The following ISOC1 variants were observed in gnomAD, a reference collection of about 807,000 sequenced individuals.
ISOC1 encodes isochorismatase domain-containing protein 1.
In ISOC1, 33 loss-of-function variants were observed where a neutral mutation model predicts 30.0. That is an observed-to-expected ratio of 1.10 (90% CI 0.83 to 1.47). The LOEUF is 1.47. Ranked by LOEUF, ISOC1 falls within the 40% of genes most tolerant of loss-of-function variation. The pLI is 0.00. For synonymous variants in ISOC1, 178 were observed against 159.8 expected (o/e 1.11, Z -0.86); for missense variants, 372 against 388.0 (o/e 0.96, Z 0.35).
At chr5:129,109,727 A>G (rs1379309878) in intron 4 of ISOC1, among the ~76,000 whole-genome samples, 5 of 152,140 alleles carry the variant, frequency 3.3e-5, no homozygotes, top group Non-Finnish European at 5.9e-5. Context: ...TACGGAGGCG[A>G]TATACCTTGT....
chr5:129,103,585 A>G (rs1299099486), intron 1 of ISOC1, among the ~76,000 whole-genome samples: 1 of 152,186 alleles, frequency 6.6e-6, no homozygotes. Flanking sequence ...CAGGACATAG[A>G]TAAAACAAAG....
chr5:129,107,891 A>G (rs755830737), intron 4 of ISOC1, among the ~76,000 whole-genome samples: 1 of 152,220 alleles, frequency 6.6e-6, no homozygotes, highest in Non-Finnish European at 1.5e-5. Context: ...CTCTGTCAAC[A>G]TTGCCCAACA....
At chr5:129,112,743 C>A in intron 4 of ISOC1, 112 bp from the exon 5 acceptor site, 1 of 1,193,110 alleles carries the variant, frequency 8.4e-7, no homozygotes. Flanking sequence ...GGCTGGGAAC[C>A]ACGGTTTCAG....
At chr5:129,100,737 G>A (rs1453194567) in intron 1 of ISOC1, among the ~76,000 whole-genome samples, 1 of 152,064 alleles carries the variant, frequency 6.6e-6, no homozygotes, top group Non-Finnish European at 1.5e-5. Flanking sequence ...AATTTAGAGA[G>A]TTGTATGATT....
intron 1 of ISOC1, among the ~76,000 whole-genome samples, chr5:129,095,644 C>T (rs919725948): frequency 6.6e-6 from 1 of 152,218 alleles, no homozygotes; most frequent in African/African-American, 2.4e-5. Flanking sequence ...GCTTAGCCTC[C>T]TCTTAGTAAA....
At chr5:129,111,290 T>C (rs1753705990) in intron 4 of ISOC1, among the ~76,000 whole-genome samples, 1 of 152,144 alleles carries the variant, frequency 6.6e-6, no homozygotes, top group African/African-American at 2.4e-5. Context: ...TTTATTTTGT[T>C]TTTTTTAAAA....
At chr5:129,098,728 C>CA (rs1753537069) in intron 1 of ISOC1, among the ~76,000 whole-genome samples, 1 of 152,130 alleles carries the variant, frequency 6.6e-6, no homozygotes, top group Admixed American at 6.5e-5. Context: ...AAGGGCGTTC[C>CA]AGGGAAGGTT....
At chr5:129,101,298 C>G (rs1038723764) in intron 1 of ISOC1, among the ~76,000 whole-genome samples, 1 of 148,718 alleles carries the variant, frequency 6.7e-6, no homozygotes, top group South Asian at 2.1e-4. Context: ...GAATTCAAGA[C>G]CAGCCTGGGC....
At position 129,105,438 on chromosome 5, in the gene ISOC1, C is replaced by T. The variant is rs186937910; in HGVS notation, c.633+50C>T. ...GGCACAATATTATTTATAGAAAACT[C>T]AATATTTGTGGAATGTAATTTCATA... On this transcript the variant is annotated intron_variant, in intron 3 of 4. Transcript: ENST00000173527. The T allele has an allele frequency of 8.8e-6, 13 of 1,478,908 alleles. No homozygotes were observed. In the Admixed American group the frequency reaches 2.3e-4, roughly 26 times the overall value. The allele number at this position is 1,478,908 out of a possible 1,614,324, so 91.6% of individuals were successfully genotyped here.
intron 4 of ISOC1, among the ~76,000 whole-genome samples, chr5:129,109,888 T>G (rs1204035737): frequency 6.6e-6 from 1 of 152,176 alleles, no homozygotes; most frequent in African/African-American, 2.4e-5. Context: ...CTATATTGCC[T>G]GTTAAGATTA....
chr5:129,105,244 T>C lies in ISOC1; in HGVS notation c.489T>C (p.Gly163=). The C allele has an allele frequency of 6.2e-7, 1 of 1,613,826 alleles. No homozygotes were observed. Among genetic ancestry groups the C allele is most frequent in the Non-Finnish European group, 8.5e-7 (1 of 1,179,866 alleles). Residue 163 remains glycine (G), a synonymous_variant, in exon 3 of 5, where the codon GGT becomes GGC. Transcript: ENST00000173527. ...TTGTAACAGAACAATACCCTAAAGG[T>C]CTTGGGAGCACGGTTCAAGAAATTG... ...PVIVTEQYPK[G]LGSTVQEIDL...
rs1246630951 is a variant in ISOC1 at position 129,094,812 on chromosome 5, G to GC, written c.48dup (p.Gly17ArgfsTer105). On this transcript the variant is annotated frameshift_variant, in exon 1 of 5. Transcript: ENST00000173527. LOFTEE classifies it high-confidence loss of function. ...GGTCCTTGCGCTCCCCAACAGCGGC[G>GC]CCGGGGGCGCGGGGGCGCCGTCGGG... The GC allele has an allele frequency of 6.5e-7, 1 of 1,536,906 alleles. No individual in the cohort carries two copies. The highest frequency in any genetic ancestry group is 1.4e-5 in the African/African-American group (1 of 72,356).
chr5:129,102,869 A>T (rs577930382), intron 1 of ISOC1, among the ~76,000 whole-genome samples: 1 of 152,368 alleles, frequency 6.6e-6, no homozygotes, highest in South Asian at 2.1e-4. Flanking sequence ...GAAACTTGTT[A>T]GGAATGTATA....
At chr5:129,112,787 G>A (rs892534578) in intron 4 of ISOC1, 68 bp from the exon 5 acceptor site, 1 of 1,524,294 alleles carries the variant, frequency 6.6e-7, no homozygotes, top group Non-Finnish European at 9.0e-7. Flanking sequence ...CCAGCATAGT[G>A]TTACTCTTCT....
chr5:129,108,565 A>T (rs1317497545), intron 4 of ISOC1, among the ~76,000 whole-genome samples: 1 of 150,340 alleles, frequency 6.7e-6, no homozygotes, highest in Non-Finnish European at 1.5e-5. Context: ...CTGGAAGTGC[A>T]GTGGCACAAT....
intron 4 of ISOC1, among the ~76,000 whole-genome samples, 195 bp from the exon 5 acceptor site, chr5:129,112,654 CTAATAT>C (rs140914874): frequency 0.034 from 5,148 of 152,108 alleles, 175 homozygotes; most frequent in African/African-American, 0.093. Context: ...CTCCATTTTA[CTAATAT>C]TAAGAATAAT....
chr5:129,106,777 T>C (rs1479829579), intron 3 of ISOC1, among the ~76,000 whole-genome samples, 169 bp from the exon 4 acceptor site: 1 of 152,232 alleles, frequency 6.6e-6, no homozygotes, highest in Non-Finnish European at 1.5e-5. Context: ...AAGCCAGAGA[T>C]ACTGTTTTAT....
At chr5:129,112,200 C>T (rs1258857817) in intron 4 of ISOC1, among the ~76,000 whole-genome samples, 1 of 152,040 alleles carries the variant, frequency 6.6e-6, no homozygotes, top group African/African-American at 2.4e-5. Flanking sequence ...TGTAGTACAG[C>T]TAATGGAGCT....
rs1333373305 is a variant in ISOC1 at position 129,113,587 on chromosome 5, T to C, written c.*586T>C. On this transcript the variant is annotated 3_prime_UTR_variant, in exon 5 of 5. Transcript: ENST00000173527. Reference sequence around the variant, plus strand: ...AATAATTACATATCTTTCTTGACTATACTGATTTCTTATTTTGGTCACTAT... The same window carrying C: ...AATAATTACATATCTTTCTTGACTACACTGATTTCTTATTTTGGTCACTAT... 7 of 152,230 alleles carry C rather than the reference T, an allele frequency of 4.6e-5. No homozygotes were observed. Among genetic ancestry groups the C allele is most frequent in the Non-Finnish European group, 8.8e-5 (6 of 68,036 alleles). 9.4% of individuals were successfully genotyped at this position (152,230 alleles called of 1,614,324 possible). A position where few individuals can be genotyped will look rare whatever the true frequency, so the allele number is the denominator to read the frequency against.
Sources: allele counts gnomAD v4.1 joint callset (sites outside exome capture counted in the v4.1 genomes callset), GRCh38; gene constraint gnomAD v4.1.1; transcripts MANE v1.5; gene names NCBI Gene and HGNC (gene_info 2026-07-23, HGNC 2026-07-21).